The following TIAM1 variants were observed in gnomAD, a reference collection of about 807,000 sequenced individuals.
TIAM1 encodes TIAM Rac1 associated GEF 1.
In TIAM1, 65 loss-of-function variants were observed where a neutral mutation model predicts 163.5. The ratio of observed to expected loss-of-function variants is 0.40; its 90% confidence interval spans 0.33 to 0.49. The LOEUF (loss-of-function observed/expected upper bound fraction) is 0.49. TIAM1 is among the 20% of genes least tolerant of loss of function. TIAM1 has a pLI of 0.77. For synonymous variants in TIAM1, 833 were observed against 810.1 expected (o/e 1.03, Z -0.48); for missense variants, 1,789 against 2,044.7 (o/e 0.87, Z 2.41).
intron 19 of TIAM1, among the ~76,000 whole-genome samples, chr21:31,149,565 T>TAAA (rs1462079617): frequency 2.1e-3 from 313 of 152,288 alleles, no homozygotes; most frequent in African/African-American, 7.2e-3. Flanking sequence ...TTTGTGAATC[T>TAAA]TTTTAGTGAT....
At chr21:31,438,984 AAG>A (rs545351966) in intron 2 of TIAM1, among the ~76,000 whole-genome samples, 142 of 152,362 alleles carry the variant, frequency 9.3e-4, no homozygotes, top group Admixed American at 6.5e-3. Context: ...AAACGCAAGA[AAG>A]AGATCCACTA....
At chr21:31,475,891 G>A (rs546095524) in intron 1 of TIAM1, among the ~76,000 whole-genome samples, 21 of 152,282 alleles carry the variant, frequency 1.4e-4, no homozygotes, top group Non-Finnish European at 2.5e-4. Flanking sequence ...AGCAAGAAAG[G>A]GTAGGGCAGG....
At chr21:31,210,643 A>AGGAAGGAAGGG (rs769313578) in intron 10 of TIAM1, among the ~76,000 whole-genome samples, 2 of 24,580 alleles carry the variant, frequency 8.1e-5, no homozygotes, top group Non-Finnish European at 8.0e-5. Flanking sequence ...GAAAGAAAGA[A>AGGAAGGAAGGG]AGAAAGAAAG....
At chr21:31,202,661 C>G (rs1213899141) in intron 12 of TIAM1, among the ~76,000 whole-genome samples, 1 of 152,220 alleles carries the variant, frequency 6.6e-6, no homozygotes, top group Non-Finnish European at 1.5e-5. Context: ...AAAGTTCTAT[C>G]TAAGAGATAG....
intron 2 of TIAM1, among the ~76,000 whole-genome samples, chr21:31,448,450 A>C (rs933992348): frequency 6.6e-6 from 1 of 152,084 alleles, no homozygotes; most frequent in African/African-American, 2.4e-5. Context: ...ATTAAAATAC[A>C]AAAGAATTAG....
At chr21:31,404,349 T>G (rs537053152) in intron 2 of TIAM1, among the ~76,000 whole-genome samples, 1 of 152,342 alleles carries the variant, frequency 6.6e-6, no homozygotes, top group South Asian at 2.1e-4. Context: ...CTCAACTGTT[T>G]GCCGTGTTAA....
intron 1 of TIAM1, among the ~76,000 whole-genome samples, chr21:31,530,552 C>A (rs1231947266): frequency 6.6e-6 from 1 of 151,862 alleles, no homozygotes; most frequent in Admixed American, 6.6e-5. Context: ...GGAAGCAGAG[C>A]CACGAAGATG....
intron 2 of TIAM1, among the ~76,000 whole-genome samples, chr21:31,416,377 T>G (rs190734927): frequency 6.6e-6 from 1 of 152,322 alleles, no homozygotes; most frequent in African/African-American, 2.4e-5. Context: ...GTTACATGGA[T>G]AAGTTCTTCA....
chr21:31,233,441 C>T (rs534567634), intron 6 of TIAM1, among the ~76,000 whole-genome samples: 1 of 152,270 alleles, frequency 6.6e-6, no homozygotes, highest in Non-Finnish European at 1.5e-5. Flanking sequence ...GGCATGGTGG[C>T]TCACGCCTGT....
rs1199559809 is a variant in TIAM1 at position 31,251,758 on chromosome 21, G to A, written c.1395C>T (p.Tyr465=). Residue 465 remains tyrosine (Y), a synonymous_variant, in exon 5 of 28, where the codon TAC becomes TAT. Coordinates refer to ENST00000541036, the MANE Select transcript of TIAM1 (RefSeq NM_001353694.2). ...CGCTCTCACCTTTCAGGGACACCCA[G>A]TAGTGCTTCCACTTCCTCCGGGTGG... ...ESATRRKWKH[Y]WVSLKGCTLF... The A allele has an allele frequency of 2.4e-5, 38 of 1,597,906 alleles. No individual in the cohort carries two copies. The highest frequency in any genetic ancestry group is 3.2e-5 in the Non-Finnish European group (37 of 1,170,048).
At chr21:31,157,823 A>T (rs988587186) in intron 16 of TIAM1, among the ~76,000 whole-genome samples, 2 of 152,192 alleles carry the variant, frequency 1.3e-5, no homozygotes, top group African/African-American at 4.8e-5. Flanking sequence ...TGTTGAACAA[A>T]ACGTTATCTG....
chr21:31,129,103 A>C (rs908258731), intron 25 of TIAM1, among the ~76,000 whole-genome samples: 1 of 152,242 alleles, frequency 6.6e-6, no homozygotes, highest in Non-Finnish European at 1.5e-5. Context: ...CCTGCTGTCC[A>C]AGTGGGACAG....
intron 2 of TIAM1, among the ~76,000 whole-genome samples, chr21:31,411,634 C>T (rs1415726481): frequency 6.6e-6 from 1 of 152,106 alleles, no homozygotes; most frequent in Non-Finnish European, 1.5e-5. Flanking sequence ...TGCCACCATG[C>T]CCAGCTAATT....
intron 1 of TIAM1, among the ~76,000 whole-genome samples, chr21:31,551,971 A>G (rs1474697245): frequency 6.6e-6 from 1 of 151,490 alleles, no homozygotes; most frequent in Non-Finnish European, 1.5e-5. Flanking sequence ...GGGGCAGAAG[A>G]CTGTTACAAT....
chr21:31,245,116 T>C (rs2071426001), intron 6 of TIAM1, among the ~76,000 whole-genome samples: 1 of 152,086 alleles, frequency 6.6e-6, no homozygotes, highest in Non-Finnish European at 1.5e-5. Flanking sequence ...TAAAACTTTT[T>C]GACAGCTCAA....
At chr21:31,465,214 A>AT (rs1280800034) in intron 1 of TIAM1, among the ~76,000 whole-genome samples, 1 of 151,622 alleles carries the variant, frequency 6.6e-6, no homozygotes, top group African/African-American at 2.4e-5. Flanking sequence ...TCAAAAAAAA[A>AT]TTTTTCTTTT....
At chr21:31,447,434 T>G (rs909485720) in intron 2 of TIAM1, among the ~76,000 whole-genome samples, 7 of 150,770 alleles carry the variant, frequency 4.6e-5, no homozygotes, top group African/African-American at 1.7e-4. Flanking sequence ...AGACTCTATC[T>G]CAAGAAGATT....
At chr21:31,246,607 T>C (rs2071514799) in intron 5 of TIAM1, among the ~76,000 whole-genome samples, 1 of 152,176 alleles carries the variant, frequency 6.6e-6, no homozygotes, top group Non-Finnish European at 1.5e-5. Flanking sequence ...TGCACAACCC[T>C]TGAAAGTTCA....
chr21:31,510,547 T>A (rs2047179139), intron 1 of TIAM1, among the ~76,000 whole-genome samples: 1 of 152,194 alleles, frequency 6.6e-6, no homozygotes, highest in South Asian at 2.1e-4. Flanking sequence ...ACTGTTGGGC[T>A]CACACCTGTA....
Sources: gnomAD v4.1 joint callset for allele counts (sites outside exome capture counted in the v4.1 genomes callset) on GRCh38, gnomAD v4.1.1 for gene constraint, MANE v1.5 for transcripts, NCBI Gene and HGNC (gene_info 2026-07-23, HGNC 2026-07-21) for gene names.